The following SF3B3 variants were observed in gnomAD, a reference collection of about 807,000 sequenced individuals.
The protein encoded by SF3B3 is SAP 130.
SF3B3 carries 33 observed loss-of-function variants against 139.2 expected under a neutral mutation model. The ratio of observed to expected loss-of-function variants is 0.24; its 90% CI spans 0.18 to 0.32. The LOEUF (loss-of-function observed/expected upper bound fraction) is 0.32, where lower values mean the gene tolerates loss of function less well. Among genes scored for constraint, SF3B3 ranks in the 10% least tolerant of loss-of-function variants. The pLI is 1.00. For missense variants in SF3B3, 818 were observed against 1,509.4 expected, an observed-to-expected ratio of 0.54 and a Z score of 7.59; for synonymous variants, 596 against 563.6, an observed-to-expected ratio of 1.06 and a Z score of -0.81.
At chr16:70,556,416 C>G in intron 14 of SF3B3, 82 bp downstream of exon 14, 1 of 1,467,342 alleles carries the variant, frequency 6.8e-7, no homozygotes, top group Non-Finnish European at 9.5e-7. Context: ...GAGATCCACT[C>G]CTGATGTCTA....
chr16:70,526,536 T>A, intron 1 of SF3B3, 51 bp from the exon 2 acceptor site: 1 of 655,182 alleles, frequency 1.5e-6, no homozygotes, highest in Admixed American at 3.0e-5. Flanking sequence ...TACAGAAATG[T>A]CTGTTGAAGT....
intron 10 of SF3B3, among the ~76,000 whole-genome samples, chr16:70,546,964 C>G (rs891400623): frequency 6.6e-6 from 1 of 151,432 alleles, no homozygotes; most frequent in Non-Finnish European, 1.5e-5. Flanking sequence ...GGAGGTGGAG[C>G]TTGCAGTGAG....
At chr16:70,525,634 G>A (rs1409847904) in intron 1 of SF3B3, among the ~76,000 whole-genome samples, 6 of 151,748 alleles carry the variant, frequency 4.0e-5, no homozygotes, top group Admixed American at 2.6e-4. Flanking sequence ...GGTCCTTTTC[G>A]TTCATGTTTT....
chr16:70,568,131 C>T, intron 21 of SF3B3, 152 bp from the exon 22 acceptor site: 1 of 659,986 alleles, frequency 1.5e-6, no homozygotes, highest in Non-Finnish European at 2.7e-6. Context: ...CTATTTGGCT[C>T]TTTTTTCCCA....
intron 6 of SF3B3, among the ~76,000 whole-genome samples, chr16:70,537,380 T>G (rs554549526): frequency 6.6e-6 from 1 of 152,320 alleles, no homozygotes; most frequent in Non-Finnish European, 1.5e-5. Context: ...TCTTTGAGAC[T>G]AATGAATATC....
rs761551795 is a variant in SF3B3, at chr16:70,557,011, C to T, written c.1992C>T (p.Tyr664=). 28 of 1,611,996 alleles carry T rather than the reference C, an allele frequency of 1.7e-5. No homozygotes were observed. Among genetic ancestry groups the T allele is most frequent in the Non-Finnish European group, 2.4e-5 (28 of 1,179,256 alleles). The change falls in exon 15 of 26, where the codon TAC becomes TAT. Residue 664 remains tyrosine (Y), a synonymous_variant. Coordinates refer to ENST00000302516, the MANE Select transcript of SF3B3 (RefSeq NM_012426.5). ...AGAGGGGCTCGATTGGCTTCCTATA[C>T]CTGAATATTGGGCTACAGGTAAGAG... ...LGERGSIGFL[Y]LNIGLQNGVL...
At chr16:70,532,912 G>A (rs1373907907) in intron 5 of SF3B3, among the ~76,000 whole-genome samples, 2 of 152,200 alleles carry the variant, frequency 1.3e-5, no homozygotes, top group Non-Finnish European at 2.9e-5. Flanking sequence ...CAGTTTGGCT[G>A]TAGTCAGTCT....
At chr16:70,535,169 G>A in intron 5 of SF3B3, 139 bp from the exon 6 acceptor site, 1 of 539,352 alleles carries the variant, frequency 1.9e-6, no homozygotes, top group Non-Finnish European at 3.4e-6. Context: ...TGAACATAAG[G>A]GAGGAGAAAC....
chr16:70,526,598 T>C lies in SF3B3; in HGVS notation c.-59T>C. Reference sequence around the variant, plus strand: ...TTCTGTTTTCTTAGCTTTCTTGGACTCCGTACTGTTGGTGTAACCAAGGCC... The same window carrying C: ...TTCTGTTTTCTTAGCTTTCTTGGACCCCGTACTGTTGGTGTAACCAAGGCC... On this transcript the variant is annotated 5_prime_UTR_variant, in exon 2 of 26. Coordinates refer to ENST00000302516, the MANE Select transcript of SF3B3 (RefSeq NM_012426.5). 1.7e-6 allele frequency: 2 copies of C among 1,194,612 alleles called. No individual in the cohort carries two copies. The highest frequency in any genetic ancestry group is 1.2e-6 in the Non-Finnish European group (1 of 814,066). 74.0% of individuals were successfully genotyped at this position (1,194,612 alleles called of 1,614,324 possible). A position where few individuals can be genotyped will look rare whatever the true frequency, so the allele number is the denominator to read the frequency against.
rs780695330 is a variant in SF3B3 at position 70,526,738 on chromosome 16, C to A, written c.70+12C>A. 3 of 1,588,544 alleles carry A rather than the reference C, an allele frequency of 1.9e-6. No individual in the cohort carries two copies. Among genetic ancestry groups the A allele is most frequent in the Non-Finnish European group, 2.6e-6 (3 of 1,156,938 alleles). On this transcript the variant is annotated intron_variant, in intron 2 of 25. Coordinates refer to ENST00000302516, the MANE Select transcript of SF3B3 (RefSeq NM_012426.5). ...TGGAAACTTTTCTGGTAAGTTCTCT[C>A]GTTACCATCTTTTGAAATTTTAAGT... is the stretch of plus-strand genomic sequence containing the variant.
In SF3B3 at chr16:70,565,481, A is replaced by G. The variant is rs755641832; in HGVS notation, c.2783A>G (p.Tyr928Cys). 1.9e-6 allele frequency: 3 copies of G among 1,614,198 alleles called. No individual in the cohort carries two copies. In the South Asian group the frequency reaches 3.3e-5, roughly 18 times the overall value. ...RSVAGGFVYTYKLVNNGEKLE... is the reference protein window; with the variant it reads ...RSVAGGFVYTCKLVNNGEKLE... ...GTGGCAGGGGGCTTCGTCTATACTT[A>G]CAAGCTTGTGAACAATGGGGAAAAA... Residue 928 changes from tyrosine to cysteine, a missense_variant, in exon 20 of 26, where the codon TAC (tyrosine) becomes TGC (cysteine). By Grantham distance (194) the Tyr-to-Cys change is radical. Transcript: ENST00000302516.
intron 6 of SF3B3, 142 bp from the exon 7 acceptor site, chr16:70,538,181 T>C (rs2050186684): frequency 1.2e-6 from 1 of 802,462 alleles, no homozygotes; most frequent in Non-Finnish European, 2.2e-6. Flanking sequence ...GTTCCAGTGC[T>C]CTGGCTGGCA....
At chr16:70,565,582 T>C (rs2050468015) in intron 20 of SF3B3, 58 bp downstream of exon 20, 21 of 1,523,744 alleles carry the variant, frequency 1.4e-5, no homozygotes, top group Non-Finnish European at 1.9e-5. Flanking sequence ...CTCTCACTTT[T>C]GCTTATGTTA....
rs1243638045 is a variant in SF3B3, at chr16:70,574,206, T to C, written c.*2393T>C. On this transcript the variant is annotated 3_prime_UTR_variant, in exon 26 of 26. Coordinates refer to ENST00000302516, the MANE Select transcript of SF3B3 (RefSeq NM_012426.5). ...TTTTAATTTTTTAAAAAAAATTTTA[T>C]TAGAGACAGTCTCTCTCTCTTGCCT... 6.6e-6 allele frequency: 1 copy of C among 152,204 alleles called. No homozygotes were observed. The highest frequency in any genetic ancestry group is 1.5e-5 in the Non-Finnish European group (1 of 68,048). The allele number at this position is 152,204 out of a possible 1,614,324, so 9.4% of individuals were successfully genotyped here.
At chr16:70,553,437 T>A (rs2050348130) in intron 11 of SF3B3, among the ~76,000 whole-genome samples, 1 of 152,134 alleles carries the variant, frequency 6.6e-6, no homozygotes, top group African/African-American at 2.4e-5. Context: ...TAGGAGTGAG[T>A]CAGCCACTAC....
At chr16:70,537,257 T>G (rs1462475834) in intron 6 of SF3B3, among the ~76,000 whole-genome samples, 1 of 152,240 alleles carries the variant, frequency 6.6e-6, no homozygotes, top group Non-Finnish European at 1.5e-5. Context: ...TAATGTTGGT[T>G]TATCTGATTG....
chr16:70,560,714 A>G (rs2050420664), intron 16 of SF3B3, 123 bp downstream of exon 16: 1 of 1,119,298 alleles, frequency 8.9e-7, no homozygotes, highest in Non-Finnish European at 1.3e-6. Flanking sequence ...GGTTTCCTTC[A>G]TGTGAGAAGT....
chr16:70,539,744 T>C (rs1440508062), intron 8 of SF3B3, among the ~76,000 whole-genome samples: 1 of 152,044 alleles, frequency 6.6e-6, no homozygotes, highest in Non-Finnish European at 1.5e-5. Context: ...TTGATGTCTC[T>C]TCTGAGCTTT....
chr16:70,529,230 C>T (rs182880719), intron 3 of SF3B3, 31 bp downstream of exon 3: 351 of 1,553,708 alleles, frequency 2.3e-4, no homozygotes, highest in Middle Eastern at 2.0e-3. Context: ...GCTGTATATG[C>T]CTAGTTTAGG....
Sources: gnomAD v4.1 joint callset for allele counts (sites outside exome capture counted in the v4.1 genomes callset) on GRCh38, gnomAD v4.1.1 for gene constraint, MANE v1.5 for transcripts, NCBI Gene and HGNC (gene_info 2026-07-23, HGNC 2026-07-21) for gene names.